The following SOX5 variants were observed in gnomAD, a reference collection of about 807,000 sequenced individuals.
The protein encoded by SOX5 is SRY-box transcription factor 5, also known as transcription factor SOX-5.
Under a neutral mutation model 92.0 loss-of-function variants are expected in SOX5, and 9 were observed. The observed-to-expected ratio is 0.10, with a 90% CI of 0.06 to 0.17. The LOEUF (loss-of-function observed/expected upper bound fraction) is 0.17. Ranked by LOEUF, SOX5 falls within the 10% of genes least tolerant of loss-of-function variation. The pLI, the probability that SOX5 is intolerant of heterozygous loss-of-function variation, is 1.00. For missense variants in SOX5, 642 were observed against 944.5 expected (o/e 0.68, Z 4.20); for synonymous variants, 344 against 336.3 (o/e 1.02, Z -0.25).
intron 2 of SOX5, among the ~76,000 whole-genome samples, chr12:24,296,930 GACACAC>G (rs34848004): frequency 1.5e-3 from 229 of 147,884 alleles, no homozygotes; most frequent in Middle Eastern, 3.5e-3. Flanking sequence ...TAGACAGACA[GACACAC>G]ACACACACAC....
chr12:24,046,950 G>C (rs1957095028), intron 4 of SOX5, among the ~76,000 whole-genome samples: 1 of 152,028 alleles, frequency 6.6e-6, no homozygotes, highest in Admixed American at 6.6e-5. Flanking sequence ...GCCTCCCAAA[G>C]TGCTGGGATC....
chr12:23,758,808 G>A (rs113193720), intron 3 of SOX5, among the ~76,000 whole-genome samples: 99 of 151,946 alleles, frequency 6.5e-4, no homozygotes, highest in Non-Finnish European at 1.3e-3. Flanking sequence ...TTATAGAAAG[G>A]CTTCAGGGTA....
rs750642702 is a variant in SOX5 at position 23,534,183 on chromosome 12, T to G, written c.*36A>C. The G allele has an allele frequency of 6.3e-7, 1 of 1,577,354 alleles. No individual in the cohort carries two copies. Among genetic ancestry groups the G allele is most frequent in the Non-Finnish European group, 8.7e-7 (1 of 1,152,768 alleles). ...TAAGGATGAACCAGTTAGGGCTTCT[T>G]TAAGTCCTAAGGTCACAACAATCTT... On this transcript the variant is annotated 3_prime_UTR_variant, in exon 15 of 15. Coordinates refer to ENST00000451604, the MANE Select transcript of SOX5 (RefSeq NM_006940.6).
At chr12:23,644,237 G>A (rs982827709) in intron 7 of SOX5, among the ~76,000 whole-genome samples, 1 of 152,180 alleles carries the variant, frequency 6.6e-6, no homozygotes, top group Non-Finnish European at 1.5e-5. Flanking sequence ...CCAATAGCAA[G>A]CAAAGAAATG....
chr12:24,375,736 C>A (rs1183256946), intron 1 of SOX5, among the ~76,000 whole-genome samples: 186 of 120,250 alleles, frequency 1.5e-3, no homozygotes, highest in African/African-American at 1.7e-3. Context: ...AACTCTGTCT[C>A]AAAAAAAAAA....
At chr12:23,863,479 A>G (rs543910668) in intron 2 of SOX5, among the ~76,000 whole-genome samples, 1 of 152,216 alleles carries the variant, frequency 6.6e-6, no homozygotes, top group East Asian at 1.9e-4. Context: ...TTCAATCCAC[A>G]TCTCTGATTC....
At chr12:24,302,041 A>G (rs1948027696) in intron 2 of SOX5, among the ~76,000 whole-genome samples, 1 of 152,142 alleles carries the variant, frequency 6.6e-6, no homozygotes, top group Non-Finnish European at 1.5e-5. Flanking sequence ...TGTAATAGAC[A>G]TGTTTCTCTA....
intron 4 of SOX5, among the ~76,000 whole-genome samples, chr12:24,110,162 A>G (rs1188665109): frequency 6.6e-6 from 1 of 152,214 alleles, no homozygotes; most frequent in African/African-American, 2.4e-5. Context: ...TTTAAGCAAG[A>G]AAATAGAACT....
At chr12:24,119,225 G>A (rs1948381994) in intron 4 of SOX5, among the ~76,000 whole-genome samples, 1 of 152,084 alleles carries the variant, frequency 6.6e-6, no homozygotes, top group Admixed American at 6.5e-5. Flanking sequence ...GATGATTAAT[G>A]TTTTGTATAA....
intron 2 of SOX5, among the ~76,000 whole-genome samples, chr12:24,306,149 G>C (rs1022075825): frequency 7.9e-5 from 12 of 152,164 alleles, no homozygotes; most frequent in Admixed American, 2.6e-4. Context: ...CCTGAAAGTG[G>C]AATTCAGGGC....
chr12:24,031,121 G>T, intron 4 of SOX5, among the ~76,000 whole-genome samples: 1 of 151,638 alleles, frequency 6.6e-6, no homozygotes, highest in Admixed American at 6.6e-5. Context: ...AGCCATTATG[G>T]AAAACAGTAT....
chr12:23,979,695 T>C (rs1460946931), intron 4 of SOX5, among the ~76,000 whole-genome samples: 6 of 96,532 alleles, frequency 6.2e-5, no homozygotes, highest in African/African-American at 1.1e-4. Flanking sequence ...TATATATATA[T>C]ATGTTTTTTT....
chr12:23,868,056 C>T (rs905633964), intron 2 of SOX5, among the ~76,000 whole-genome samples: 1 of 151,110 alleles, frequency 6.6e-6, no homozygotes, highest in African/African-American at 2.4e-5. Context: ...TCTTTCCCTC[C>T]TTCTCTCCCT....
At position 23,925,410 on chromosome 12, in the gene SOX5, C is replaced by T. The variant is rs182456534; in HGVS notation, c.38+24154G>A. 1.2e-4 allele frequency among the ~76,000 whole-genome samples: 18 copies of T among 152,158 alleles called. No homozygotes were observed. The South Asian group carries it at 1.2e-3, about 11-fold the overall frequency. On this transcript the variant is annotated intron_variant, in intron 1 of 14. Coordinates refer to ENST00000451604, the MANE Select transcript of SOX5 (RefSeq NM_006940.6). ...CATAGCTGGTCCGTGACATCAACTT[C>T]TGTAATACTCCTGTCTTATACAACA... is the stretch of plus-strand genomic sequence containing the variant.
At chr12:24,186,809 G>A (rs1956061458) in intron 4 of SOX5, among the ~76,000 whole-genome samples, 1 of 151,918 alleles carries the variant, frequency 6.6e-6, no homozygotes, top group Non-Finnish European at 1.5e-5. Flanking sequence ...AATCTTGCTG[G>A]TTATTTTCTT....
intron 1 of SOX5, among the ~76,000 whole-genome samples, chr12:24,557,522 A>G (rs1237226750): frequency 2.0e-5 from 3 of 152,186 alleles, no homozygotes; most frequent in Admixed American, 2.0e-4. Context: ...CAAATGAGAT[A>G]GCCTTTCTCC....
At chr12:23,895,682 A>G (rs2097170032) in intron 2 of SOX5, 111 bp downstream of exon 2, 8 of 722,780 alleles carry the variant, frequency 1.1e-5, no homozygotes, top group Non-Finnish European at 1.7e-5. Context: ...AATCTTGTGC[A>G]TGGGTTCTTA....
At chr12:23,591,272 A>G (rs183303388) in intron 9 of SOX5, among the ~76,000 whole-genome samples, 3 of 152,234 alleles carry the variant, frequency 2.0e-5, no homozygotes, top group East Asian at 1.9e-4. Context: ...ATTACAAACT[A>G]TGATAACTAG....
chr12:24,415,796 G>T (rs148027680), intron 1 of SOX5, among the ~76,000 whole-genome samples: 1 of 152,162 alleles, frequency 6.6e-6, no homozygotes, highest in Admixed American at 6.5e-5. Context: ...AGATGAGGTG[G>T]AGAAAACAAA....
Sources: allele counts gnomAD v4.1 joint callset (sites outside exome capture counted in the v4.1 genomes callset), GRCh38; gene constraint gnomAD v4.1.1; transcripts MANE v1.5; gene names NCBI Gene and HGNC (gene_info 2026-07-23, HGNC 2026-07-21).